The following HS3ST2 variants were observed in gnomAD, a reference collection of about 807,000 sequenced individuals.
HS3ST2 encodes heparan sulfate-glucosamine 3-sulfotransferase 2, also known as heparan sulfate glucosamine 3-O-sulfotransferase 2.
Under a neutral mutation model 26.3 loss-of-function variants are expected in HS3ST2, and 17 were observed. The observed-to-expected ratio is 0.65, with a 90% CI of 0.44 to 0.97. The LOEUF (loss-of-function observed/expected upper bound fraction) is 0.97. HS3ST2 is among the 50% of genes least tolerant of loss of function. HS3ST2 has a pLI of 0.00. For missense variants in HS3ST2, 402 were observed against 501.2 expected (o/e 0.80, Z 1.89); for synonymous variants, 237 against 219.2 (o/e 1.08, Z -0.72).
At chr16:22,824,092 T>C (rs1901044364) in intron 1 of HS3ST2, among the ~76,000 whole-genome samples, 1 of 152,244 alleles carries the variant, frequency 6.6e-6, no homozygotes, top group Non-Finnish European at 1.5e-5. Context: ...AAGTCAGAGA[T>C]AAAGTTGTTT....
At chr16:22,835,828 A>C (rs1169625003) in intron 1 of HS3ST2, among the ~76,000 whole-genome samples, 1 of 152,224 alleles carries the variant, frequency 6.6e-6, no homozygotes, top group African/African-American at 2.4e-5. Context: ...CCAAAGCTAC[A>C]CTCAGCAGCA....
At chr16:22,840,265 G>A (rs1293908366) in intron 1 of HS3ST2, among the ~76,000 whole-genome samples, 3 of 152,220 alleles carry the variant, frequency 2.0e-5, no homozygotes, top group Admixed American at 6.5e-5. Flanking sequence ...AGATGAATTC[G>A]TGCCACATCA....
In HS3ST2 at chr16:22,814,660, C is replaced by A; in HGVS notation, c.50C>A (p.Ala17Glu). ...GRAGPPQPRR[A>E]RRLLFAFTLS... ...GCGGGGCCACCTCAGCCGCGGAGGG[C>A]GCGCAGGCTGCTCTTCGCCTTCACG... The change falls in exon 1 of 2, where the codon GCG becomes GAG. Residue 17 changes from alanine to glutamate, a missense_variant. Coordinates refer to ENST00000261374, the MANE Select transcript of HS3ST2 (RefSeq NM_006043.2). 6.4e-7 allele frequency: 1 copy of A among 1,570,314 alleles called. No individual in the cohort carries two copies. Among genetic ancestry groups the A allele is most frequent in the Non-Finnish European group, 8.6e-7 (1 of 1,159,278 alleles).
intron 1 of HS3ST2, among the ~76,000 whole-genome samples, chr16:22,845,205 T>C (rs894342206): frequency 1.4e-5 from 2 of 147,794 alleles, no homozygotes; most frequent in East Asian, 3.9e-4. Context: ...CTTTATAGCA[T>C]TGGGAGAACA....
chr16:22,837,119 G>GTT (rs11435002), intron 1 of HS3ST2, among the ~76,000 whole-genome samples: 1,956 of 146,964 alleles, frequency 0.013, 27 homozygotes, highest in African/African-American at 0.032. Context: ...TGCCTATACA[G>GTT]TTTTTTTTTT....
intron 1 of HS3ST2, among the ~76,000 whole-genome samples, chr16:22,906,423 G>A (rs563460115): frequency 7.6e-5 from 11 of 144,080 alleles, no homozygotes; most frequent in African/African-American, 2.8e-4. Context: ...CTCGTGCCCA[G>A]AGTTTTTGAT....
intron 1 of HS3ST2, among the ~76,000 whole-genome samples, chr16:22,842,635 G>A (rs373818491): frequency 1.8e-4 from 27 of 151,938 alleles, no homozygotes; most frequent in African/African-American, 5.3e-4. Context: ...TATCAATCCC[G>A]GAAAATTCTC....
chr16:22,877,108 G>A (rs60786335), intron 1 of HS3ST2, among the ~76,000 whole-genome samples: 19,274 of 152,060 alleles, frequency 0.13, 1,760 homozygotes, highest in East Asian at 0.32. Context: ...AACACCAGCC[G>A]TTCCCCAAAA....
intron 1 of HS3ST2, among the ~76,000 whole-genome samples, chr16:22,890,991 T>G (rs987197969): frequency 6.6e-6 from 1 of 152,198 alleles, no homozygotes; most frequent in Non-Finnish European, 1.5e-5. Context: ...ATTTAGCTAA[T>G]CCACATAGAG....
At chr16:22,815,292 C>T (rs1271239186) in intron 1 of HS3ST2, among the ~76,000 whole-genome samples, 197 bp downstream of exon 1, 5 of 152,250 alleles carry the variant, frequency 3.3e-5, no homozygotes, top group African/African-American at 1.2e-4. Flanking sequence ...GTTTCTGGAA[C>T]TGCAAAGGGC....
chr16:22,842,761 C>T (rs766632800), intron 1 of HS3ST2, among the ~76,000 whole-genome samples: 22 of 152,134 alleles, frequency 1.4e-4, no homozygotes, highest in Non-Finnish European at 1.9e-4. Flanking sequence ...TTAACCTTCT[C>T]CCCAGCTTTC....
At chr16:22,833,705 A>G (rs1901208912) in intron 1 of HS3ST2, among the ~76,000 whole-genome samples, 1 of 152,178 alleles carries the variant, frequency 6.6e-6, no homozygotes, top group Non-Finnish European at 1.5e-5. Flanking sequence ...TTTCCAAAAC[A>G]GTGGAATCAC....
chr16:22,892,110 TAA>T (rs55853160), intron 1 of HS3ST2, among the ~76,000 whole-genome samples: 2,845 of 113,632 alleles, frequency 0.025, 46 homozygotes, highest in South Asian at 0.099. Context: ...CCATCTCTAC[TAA>T]AAAAAAAAAA....
At chr16:22,821,558 G>T (rs1596602922) in intron 1 of HS3ST2, among the ~76,000 whole-genome samples, 1 of 151,892 alleles carries the variant, frequency 6.6e-6, no homozygotes. Context: ...GGCTTTGCGG[G>T]GTAGTGACTC....
intron 1 of HS3ST2, among the ~76,000 whole-genome samples, chr16:22,847,873 A>AG (rs1555512567): frequency 1.4e-5 from 2 of 147,730 alleles, no homozygotes; most frequent in African/African-American, 2.4e-5. Context: ...AGAAAAAAAA[A>AG]GAAAGAAAGA....
chr16:22,891,601 C>T (rs980152192), intron 1 of HS3ST2, among the ~76,000 whole-genome samples: 2 of 152,108 alleles, frequency 1.3e-5, no homozygotes, highest in Non-Finnish European at 2.9e-5. Flanking sequence ...ATTAAAAAAT[C>T]AATTTTAAAA....
At chr16:22,897,387 A>G (rs1902224740) in intron 1 of HS3ST2, among the ~76,000 whole-genome samples, 1 of 152,194 alleles carries the variant, frequency 6.6e-6, no homozygotes, top group Non-Finnish European at 1.5e-5. Flanking sequence ...TTGCTGAGTA[A>G]GTACATGCCC....
intron 1 of HS3ST2, among the ~76,000 whole-genome samples, chr16:22,855,283 G>A (rs542083284): frequency 2.6e-5 from 4 of 152,208 alleles, no homozygotes; most frequent in South Asian, 4.2e-4. Flanking sequence ...TTCCCCCAAC[G>A]TGGGCCTTGA....
At chr16:22,902,958 A>G (rs1265037158) in intron 1 of HS3ST2, among the ~76,000 whole-genome samples, 2 of 152,216 alleles carry the variant, frequency 1.3e-5, no homozygotes, top group Non-Finnish European at 2.9e-5. Context: ...CAGATATGAA[A>G]TCAGCTCTTT....
Sources: allele counts gnomAD v4.1 joint callset (sites outside exome capture counted in the v4.1 genomes callset), GRCh38; gene constraint gnomAD v4.1.1; transcripts MANE v1.5; gene names NCBI Gene and HGNC (gene_info 2026-07-23, HGNC 2026-07-21).